The following GLDC variants were observed in gnomAD, a reference collection of about 807,000 sequenced individuals.
GLDC encodes the protein glycine decarboxylase.
In GLDC, 104 loss-of-function variants were observed where a neutral mutation model predicts 121.3. That is an observed-to-expected ratio of 0.86 (90% CI 0.73 to 1.01). The LOEUF (loss-of-function observed/expected upper bound fraction) is 1.01. Ranked by LOEUF, GLDC falls within the 50% of genes least tolerant of loss-of-function variation. GLDC has a pLI of 0.00. For synonymous variants in GLDC, 546 were observed against 480.6 expected, an observed-to-expected ratio of 1.14 and a Z score of -1.78; for missense variants, 1,429 against 1,306.6, an observed-to-expected ratio of 1.09 and a Z score of -1.44.
chr9:6,631,203 G>T (rs976718333), intron 2 of GLDC, among the ~76,000 whole-genome samples: 1 of 152,116 alleles, frequency 6.6e-6, no homozygotes, highest in African/African-American at 2.4e-5. Context: ...TTAATACCAC[G>T]CCTCATTCAG....
chr9:6,622,165 C>CACAG (rs972972140), intron 2 of GLDC, among the ~76,000 whole-genome samples: 11 of 139,030 alleles, frequency 7.9e-5, no homozygotes, highest in Admixed American at 2.1e-4. Context: ...CACAGACACA[C>CACAG]ACACACACAC....
At chr9:6,537,651 T>A (rs534737253) in intron 22 of GLDC, among the ~76,000 whole-genome samples, 83 of 152,228 alleles carry the variant, frequency 5.5e-4, no homozygotes, top group African/African-American at 2.0e-3. Flanking sequence ...TGTGGTGGTA[T>A]GTGCCTGTAA....
rs1170236539 is a variant in GLDC at position 6,585,899 on chromosome 9, C to CTATCTATCTATCTATCTATCTAT, written c.1850+1241_1850+1242insATAGATAGATAGATAGATAGATA. 8.7e-4 allele frequency among the ~76,000 whole-genome samples: 82 copies of CTATCTATCTATCTATCTATCTAT among 94,260 alleles called. 1 individual carries two copies. The highest frequency in any genetic ancestry group is 5.4e-3 in the Middle Eastern group (1 of 186). 61.8% of individuals were successfully genotyped at this position (94,260 alleles called of 152,430 possible). ...ATCTATCTATCTATCTATCATCTGT[C>CTATCTATCTATCTATCTATCTAT]CATCGGTCCATCTGTCATCTATCAT... On this transcript the variant is annotated intron_variant, in intron 15 of 24. Transcript: ENST00000321612.
In GLDC at chr9:6,551,041, TAA is replaced by T; in HGVS notation, c.2458-129_2458-128del. 1.1e-5 allele frequency: 8 copies of T among 752,276 alleles called. No individual in the cohort carries two copies. The South Asian group carries it at 1.1e-4, about 10-fold the overall frequency. 46.6% of individuals were successfully genotyped at this position (752,276 alleles called of 1,614,324 possible). A position where few individuals can be genotyped will look rare whatever the true frequency, so the allele number is the denominator to read the frequency against. ...AAGGCAGCCCACCATGACTCTGGAG[TAA>T]AGATGAGTGGAAAATTCCAACAAGG... is the stretch of plus-strand genomic sequence containing the variant. On this transcript the variant is annotated intron_variant, in intron 20 of 24. Transcript: ENST00000321612.
intron 8 of GLDC, among the ~76,000 whole-genome samples, chr9:6,601,704 A>G (rs1433359664): frequency 6.6e-6 from 1 of 152,166 alleles, no homozygotes; most frequent in Non-Finnish European, 1.5e-5. Flanking sequence ...GGCTCACTGC[A>G]GCCTCAACCT....
At chr9:6,586,779 T>C (rs1180403885) in intron 15 of GLDC, among the ~76,000 whole-genome samples, 1 of 152,186 alleles carries the variant, frequency 6.6e-6, no homozygotes, top group Non-Finnish European at 1.5e-5. Flanking sequence ...CAGTGTAACT[T>C]AGGAGGTTCG....
intron 15 of GLDC, among the ~76,000 whole-genome samples, chr9:6,581,310 A>C (rs1424565764): frequency 1.3e-5 from 2 of 152,182 alleles, no homozygotes; most frequent in African/African-American, 4.8e-5. Flanking sequence ...GATCCCATAC[A>C]GTGATGGTGA....
At position 6,645,645 on chromosome 9, in the gene GLDC, C is replaced by A. The variant is rs948204903; in HGVS notation, c.-146G>T. On this transcript the variant is annotated 5_prime_UTR_variant, in exon 1 of 25. Transcript: ENST00000321612. ...TCGGCCGGACAGATGGATGGACGCT[C>A]GCGGGCAATGAATGGGCGCTGCGCT... is the stretch of plus-strand genomic sequence containing the variant. 4 of 470,192 alleles carry A rather than the reference C, an allele frequency of 8.5e-6. No individual in the cohort carries two copies. Among genetic ancestry groups the A allele is most frequent in the Non-Finnish European group, 1.3e-5 (4 of 313,772 alleles). The allele number at this position is 470,192 out of a possible 1,614,324, so 29.1% of individuals were successfully genotyped here. A position where few individuals can be genotyped will look rare whatever the true frequency, so the allele number is the denominator to read the frequency against.
intron 15 of GLDC, among the ~76,000 whole-genome samples, chr9:6,580,157 G>T (rs1350177074): frequency 1.3e-5 from 2 of 152,086 alleles, no homozygotes; most frequent in African/African-American, 2.4e-5. Flanking sequence ...CAGGGTTTGT[G>T]GATCTCCATA....
intron 2 of GLDC, chr9:6,639,227 GA>G: frequency 1.1e-6 from 1 of 912,524 alleles, no homozygotes; most frequent in Non-Finnish European, 1.8e-6. Flanking sequence ...AGGCAGTGTT[GA>G]AAGGTGTCCA....
At chr9:6,598,089 T>C (rs1279857047) in intron 8 of GLDC, among the ~76,000 whole-genome samples, 1 of 152,174 alleles carries the variant, frequency 6.6e-6, no homozygotes, top group Non-Finnish European at 1.5e-5. Context: ...AGTGCAGTGG[T>C]GTGATTGCAG....
intron 8 of GLDC, among the ~76,000 whole-genome samples, chr9:6,595,573 T>A (rs1209199420): frequency 6.6e-6 from 1 of 152,196 alleles, no homozygotes; most frequent in Non-Finnish European, 1.5e-5. Context: ...ACTTCAGGAA[T>A]AAAATTCTCC....
intron 8 of GLDC, among the ~76,000 whole-genome samples, chr9:6,596,604 C>A (rs945604245): frequency 1.3e-5 from 2 of 151,974 alleles, no homozygotes; most frequent in Non-Finnish European, 2.9e-5. Context: ...AACAATAATA[C>A]AATTAAGGTA....
chr9:6,535,100 CTT>C (rs1563827061), intron 23 of GLDC, among the ~76,000 whole-genome samples: 1 of 152,166 alleles, frequency 6.6e-6, no homozygotes. Flanking sequence ...GCTAACCACT[CTT>C]CTGAATTCGG....
At chr9:6,546,863 G>C (rs987319887) in intron 21 of GLDC, among the ~76,000 whole-genome samples, 2 of 152,026 alleles carry the variant, frequency 1.3e-5, no homozygotes, top group African/African-American at 4.8e-5. Flanking sequence ...TGGGGAAGCT[G>C]AGGCAGGAGA....
At chr9:6,569,589 T>A (rs1587934225) in intron 15 of GLDC, among the ~76,000 whole-genome samples, 1 of 150,630 alleles carries the variant, frequency 6.6e-6, no homozygotes, top group East Asian at 2.0e-4. Flanking sequence ...GAGGCGGAGG[T>A]TGCAGCGAGC....
chr9:6,609,551 C>G (rs1186381032), intron 4 of GLDC, among the ~76,000 whole-genome samples: 6 of 152,078 alleles, frequency 3.9e-5, no homozygotes, highest in Non-Finnish European at 8.8e-5. Context: ...CTCCCGGGCA[C>G]TCAGTCATGT....
chr9:6,565,990 C>G (rs1264530123), intron 15 of GLDC: 1 of 180,810 alleles, frequency 5.5e-6, no homozygotes, highest in Non-Finnish European at 1.2e-5. Flanking sequence ...GCCTGTAATC[C>G]TAGCACTTTG....
chr9:6,572,579 A>G (rs571189965), intron 15 of GLDC, among the ~76,000 whole-genome samples: 24 of 152,324 alleles, frequency 1.6e-4, no homozygotes, highest in Admixed American at 1.5e-3. Flanking sequence ...GGAGGTGTGA[A>G]ACATCCTGTG....
Sources: allele counts gnomAD v4.1 joint callset (sites outside exome capture counted in the v4.1 genomes callset), GRCh38; gene constraint gnomAD v4.1.1; transcripts MANE v1.5; gene names NCBI Gene and HGNC (gene_info 2026-07-23, HGNC 2026-07-21).